The following RFX3 variants were observed in gnomAD, a reference collection of about 807,000 sequenced individuals.
The protein encoded by RFX3 is transcription factor RFX3.
RFX3 carries 14 observed loss-of-function variants against 98.6 expected under a neutral mutation model. The observed-to-expected ratio is 0.14, with a 90% CI of 0.09 to 0.22. RFX3 has a LOEUF of 0.22. Ranked by LOEUF, RFX3 falls within the 10% of genes least tolerant of loss-of-function variation. RFX3 has a pLI of 1.00. For missense variants in RFX3, 639 were observed against 926.9 expected (o/e 0.69, Z 4.03); for synonymous variants, 383 against 328.4 (o/e 1.17, Z -1.80).
rs1017137419 is a variant in RFX3, at chr9:3,292,098, A to C, written c.731+979T>G. Reference sequence around the variant, plus strand: ...AAAAAAAAAAAAAAAAAAAAAAAAAAAACTCTTTACGAAAATACTCTGAAG... The same window carrying C: ...AAAAAAAAAAAAAAAAAAAAAAAAACAACTCTTTACGAAAATACTCTGAAG... On this transcript the variant is annotated intron_variant, in intron 6 of 16. Transcript: ENST00000617270. Among the ~76,000 whole-genome samples the C allele has an allele frequency of 3.9e-4, 54 of 137,992 alleles. 1 individual carries two copies. Among genetic ancestry groups the C allele is most frequent in the African/African-American group, 1.3e-3 (48 of 36,956 alleles). The allele number at this position is 137,992 out of a possible 152,430, so 90.5% of individuals were successfully genotyped here.
intron 2 of RFX3, chr9:3,364,730 T>C (rs1256431852): frequency 1.3e-5 from 2 of 154,614 alleles, no homozygotes; most frequent in African/African-American, 4.8e-5. Context: ...GGTTCTACAA[T>C]CCTCAGTATG....
At chr9:3,429,191 T>C (rs1293384588) in intron 1 of RFX3, among the ~76,000 whole-genome samples, 1 of 150,592 alleles carries the variant, frequency 6.6e-6, no homozygotes, top group Non-Finnish European at 1.5e-5. Context: ...TCCGGCTAAT[T>C]TTTTGTATTT....
chr9:3,296,398 C>T (rs1159495685), intron 5 of RFX3, among the ~76,000 whole-genome samples: 1 of 151,802 alleles, frequency 6.6e-6, no homozygotes, highest in Non-Finnish European at 1.5e-5. Flanking sequence ...GCTATGCAGG[C>T]CACTGAAATG....
At chr9:3,320,784 T>C (rs1361644531) in intron 4 of RFX3, among the ~76,000 whole-genome samples, 1 of 122,578 alleles carries the variant, frequency 8.2e-6, no homozygotes, top group Non-Finnish European at 1.6e-5. Context: ...TATATATATA[T>C]ATATATATAT....
chr9:3,352,263 T>C (rs1474053494), intron 2 of RFX3, among the ~76,000 whole-genome samples: 1 of 151,988 alleles, frequency 6.6e-6, no homozygotes, highest in Non-Finnish European at 1.5e-5. Flanking sequence ...TGTGCATATA[T>C]ATATACATAT....
chr9:3,300,706 C>T (rs1828548381), intron 5 of RFX3, among the ~76,000 whole-genome samples: 1 of 151,790 alleles, frequency 6.6e-6, no homozygotes, highest in African/African-American at 2.4e-5. Context: ...GTTAAGTTAG[C>T]AGAAGATATA....
rs77668663 is a variant in RFX3, at chr9:3,258,523, C to A, written c.1606-1324G>T. ...TATTTTATTTTCCCAGGGAAACCTA[C>A]TGTTTCTTCTATATCTCAGCTGATG... On this transcript the variant is annotated intron_variant, in intron 13 of 16. Coordinates refer to ENST00000617270, the MANE Select transcript of RFX3 (RefSeq NM_001282116.2). 6.2e-4 allele frequency among the ~76,000 whole-genome samples: 94 copies of A among 152,160 alleles called. 1 individual carries two copies. The East Asian group carries it at 0.015, about 25-fold the overall frequency.
chr9:3,506,966 T>C (rs1370440555), intron 1 of RFX3, among the ~76,000 whole-genome samples: 2 of 151,886 alleles, frequency 1.3e-5, no homozygotes, highest in Non-Finnish European at 2.9e-5. Flanking sequence ...AATTTTTAAA[T>C]AGTGAAATGT....
intron 1 of RFX3, among the ~76,000 whole-genome samples, chr9:3,441,057 C>T (rs1011113213): frequency 6.6e-6 from 1 of 152,168 alleles, no homozygotes; most frequent in African/African-American, 2.4e-5. Context: ...CCACAGCTAA[C>T]ACCATACACA....
At chr9:3,256,674 A>C (rs2131108469) in intron 14 of RFX3, among the ~76,000 whole-genome samples, 1 of 152,360 alleles carries the variant, frequency 6.6e-6, no homozygotes, top group African/African-American at 2.4e-5. Flanking sequence ...TGCAAGAGGG[A>C]GGACAGTTGC....
At chr9:3,273,112 T>C (rs1464749139) in intron 9 of RFX3, among the ~76,000 whole-genome samples, 2 of 152,124 alleles carry the variant, frequency 1.3e-5, no homozygotes, top group African/African-American at 4.8e-5. Flanking sequence ...CAGACTAAAA[T>C]ATATAGGCAA....
chr9:3,318,601 C>A (rs755363855), intron 4 of RFX3, among the ~76,000 whole-genome samples: 2 of 149,350 alleles, frequency 1.3e-5, no homozygotes, highest in African/African-American at 2.5e-5. Flanking sequence ...CTTTTCATGT[C>A]CTCTTTAACC....
intron 1 of RFX3, among the ~76,000 whole-genome samples, chr9:3,466,743 A>AT (rs1172407541): frequency 1.3e-5 from 2 of 152,066 alleles, no homozygotes; most frequent in Non-Finnish European, 2.9e-5. Context: ...AAATGAGTCT[A>AT]TTTTATTGGA....
chr9:3,256,048 G>A (rs1018481932), intron 14 of RFX3, among the ~76,000 whole-genome samples: 1 of 151,904 alleles, frequency 6.6e-6, no homozygotes, highest in African/African-American at 2.4e-5. Flanking sequence ...CTCACTGCAA[G>A]CTCCGCCTTC....
chr9:3,259,142 G>C (rs1247542573), intron 13 of RFX3, among the ~76,000 whole-genome samples: 11 of 151,870 alleles, frequency 7.2e-5, no homozygotes, highest in Non-Finnish European at 1.6e-4. Context: ...TACAAATAAA[G>C]CTGAAATTAG....
At chr9:3,230,563 C>T (rs972590018) in intron 15 of RFX3, among the ~76,000 whole-genome samples, 2 of 152,056 alleles carry the variant, frequency 1.3e-5, no homozygotes, top group Admixed American at 6.6e-5. Context: ...ATCTAAACAA[C>T]AAAAACCCAG....
At chr9:3,288,789 G>A (rs112416526) in intron 6 of RFX3, among the ~76,000 whole-genome samples, 67 of 152,172 alleles carry the variant, frequency 4.4e-4, no homozygotes, top group African/African-American at 1.5e-3. Context: ...AAATGTTGTG[G>A]TAAAGACTTA....
At chr9:3,498,642 G>T (rs978976094) in intron 1 of RFX3, among the ~76,000 whole-genome samples, 1 of 151,886 alleles carries the variant, frequency 6.6e-6, no homozygotes, top group Admixed American at 6.6e-5. Context: ...GTTTAAATTT[G>T]GTACTATTAT....
chr9:3,249,708 C>G (rs75619936), intron 14 of RFX3, among the ~76,000 whole-genome samples: 19,646 of 151,770 alleles, frequency 0.13, 1,344 homozygotes, highest in Middle Eastern at 0.21. Context: ...TTACACAGAC[C>G]CGGGTTACCA....
Sources: gnomAD v4.1 joint callset for allele counts (sites outside exome capture counted in the v4.1 genomes callset) on GRCh38, gnomAD v4.1.1 for gene constraint, MANE v1.5 for transcripts, NCBI Gene and HGNC (gene_info 2026-07-23, HGNC 2026-07-21) for gene names.